The following DISC1 variants were observed in gnomAD, a reference collection of about 807,000 sequenced individuals.
DISC1 encodes DISC1 scaffold protein, also known as disrupted in schizophrenia 1 protein.
In DISC1, 57 loss-of-function variants were observed where a neutral mutation model predicts 84.5. The observed-to-expected ratio is 0.67, with a 90% confidence interval of 0.55 to 0.84. The LOEUF is 0.84. DISC1 is among the 40% of genes least tolerant of loss of function. The pLI is 0.00. For missense variants in DISC1, 1,000 were observed against 1,057.8 expected, an observed-to-expected ratio of 0.95 and a Z score of 0.76; for synonymous variants, 411 against 415.2, an observed-to-expected ratio of 0.99 and a Z score of 0.12.
At chr1:231,696,355 T>C (rs1472531902) in intron 2 of DISC1, among the ~76,000 whole-genome samples, 1 of 152,222 alleles carries the variant, frequency 6.6e-6, no homozygotes. Flanking sequence ...ATCTAGCAAG[T>C]ACCCAGAAAT....
intron 10 of DISC1, among the ~76,000 whole-genome samples, chr1:231,962,936 C>T (rs1474159098): frequency 6.6e-6 from 1 of 152,146 alleles, no homozygotes; most frequent in African/African-American, 2.4e-5. Flanking sequence ...TTTAGCATCT[C>T]ACAAGCCTGC....
chr1:231,830,459 T>G (rs2082140726), intron 9 of DISC1, among the ~76,000 whole-genome samples: 1 of 152,180 alleles, frequency 6.6e-6, no homozygotes, highest in African/African-American at 2.4e-5. Context: ...AGATTCAGCA[T>G]AGTCCTGCCA....
chr1:231,788,852 A>C (rs1163454264), intron 6 of DISC1, among the ~76,000 whole-genome samples: 4 of 152,034 alleles, frequency 2.6e-5, no homozygotes, highest in Non-Finnish European at 5.9e-5. Flanking sequence ...CTGTGGTTTG[A>C]GTGTGCCTCT....
chr1:231,855,394 T>C lies in DISC1; in HGVS notation c.1981+36877T>C, dbSNP rs554620074. 105 of 985,332 alleles carry C rather than the reference T, an allele frequency of 1.1e-4. 1 individual carries two copies. The South Asian group carries it at 3.2e-3, about 30-fold the overall frequency. 61.0% of individuals were successfully genotyped at this position (985,332 alleles called of 1,614,324 possible). ...ACTTTCCATAAATGAGCTCAAGTTA[T>C]TTCATCCACAGTGATAGAATGTTCC... is the stretch of plus-strand genomic sequence containing the variant. On this transcript the variant is annotated intron_variant, in intron 9 of 12. Transcript: ENST00000439617.
intron 9 of DISC1, among the ~76,000 whole-genome samples, chr1:231,909,175 C>T (rs2088963757): frequency 6.8e-6 from 1 of 147,610 alleles, no homozygotes; most frequent in Admixed American, 6.9e-5. Context: ...TTTCTCCTGC[C>T]TGATTGCCCT....
At chr1:231,869,964 G>A (rs1455089629) in intron 9 of DISC1, among the ~76,000 whole-genome samples, 4 of 152,144 alleles carry the variant, frequency 2.6e-5, no homozygotes, top group African/African-American at 9.7e-5. Flanking sequence ...ACACAAAGCT[G>A]AACTTTAAAT....
At chr1:231,898,589 T>A (rs2087885880) in intron 9 of DISC1, among the ~76,000 whole-genome samples, 1 of 151,940 alleles carries the variant, frequency 6.6e-6, no homozygotes, top group South Asian at 2.1e-4. Flanking sequence ...GGAATTGAGG[T>A]TGAAAATCAA....
intron 1 of DISC1, among the ~76,000 whole-genome samples, chr1:231,665,639 A>C (rs2061958240): frequency 6.6e-6 from 1 of 152,212 alleles, no homozygotes; most frequent in Admixed American, 6.5e-5. Flanking sequence ...AATATAATAC[A>C]TATACAGAAT....
Position 232,036,777 on chromosome 1 carries a change from AAG to A in DISC1, c.2515_2516del (p.Glu839SerfsTer43). On this transcript the variant is annotated frameshift_variant, in exon 13 of 13. Transcript: ENST00000439617. LOFTEE classifies it high-confidence loss of function. ...TCCAGCCAGCAAAGGAGGCGGGAGAAAGAGAAGCTGCAGCTTCCTGCATGACA... is the reference window on the plus strand; with the variant it reads ...TCCAGCCAGCAAAGGAGGCGGGAGAAAGAAGCTGCAGCTTCCTGCATGACA... Reference protein sequence around the residue: ...QLQPAKEAGEREAAASCMTAG... With the variant: ...QLQPAKEAGEXEAAASCMTAG... The A allele has an allele frequency of 6.2e-7, 1 of 1,605,460 alleles. No homozygotes were observed. The highest frequency in any genetic ancestry group is 8.5e-7 in the Non-Finnish European group (1 of 1,174,266).
intron 2 of DISC1, among the ~76,000 whole-genome samples, chr1:231,695,097 C>G (rs111879348): frequency 0.021 from 3,160 of 152,300 alleles, 119 homozygotes; most frequent in African/African-American, 0.073. Context: ...TTCATGCAGC[C>G]CAGCTCTGCT....
chr1:231,872,669 A>T (rs1168281440), intron 9 of DISC1, among the ~76,000 whole-genome samples: 7 of 142,604 alleles, frequency 4.9e-5, no homozygotes, highest in Non-Finnish European at 7.6e-5. Flanking sequence ...ATCTGTTCTT[A>T]AAAAAAAAAA....
chr1:231,924,624 C>A (rs1485934767), intron 9 of DISC1, among the ~76,000 whole-genome samples: 1 of 151,600 alleles, frequency 6.6e-6, no homozygotes, highest in Non-Finnish European at 1.5e-5. Context: ...GAAGTTACTG[C>A]CCATGATGTT....
At chr1:231,726,880 A>G (rs974474848) in intron 3 of DISC1, among the ~76,000 whole-genome samples, 5 of 152,186 alleles carry the variant, frequency 3.3e-5, no homozygotes, top group African/African-American at 9.6e-5. Flanking sequence ...CTCTTAGCCT[A>G]TGATGGACAA....
At chr1:232,002,833 A>T (rs1666885728) in intron 10 of DISC1, among the ~76,000 whole-genome samples, 2 of 152,184 alleles carry the variant, frequency 1.3e-5, no homozygotes, top group African/African-American at 2.4e-5. Context: ...CTGTATCTTG[A>T]ATGTGGTAAG....
At position 231,907,131 on chromosome 1, in the gene DISC1, C is replaced by CTTCCTCTTTCTT. The variant is rs1334782802; in HGVS notation, c.1982-51696_1982-51695insTCCTCTTTCTTT. ...CTCTCCTTCCTTCCTTCCTTCCTTC[C>CTTCCTCTTTCTT]TCTTTCTTTCTTTCTTTCTTTCTTT... On this transcript the variant is annotated intron_variant, in intron 9 of 12. Transcript: ENST00000439617. Among the ~76,000 whole-genome samples, 119 of 93,190 alleles carry CTTCCTCTTTCTT rather than the reference C, an allele frequency of 1.3e-3. 1 individual carries two copies. The highest frequency in any genetic ancestry group is 5.3e-3 in the African/African-American group (110 of 20,830). The allele number at this position is 93,190 out of a possible 152,430, so 61.1% of individuals were successfully genotyped here.
intron 9 of DISC1, among the ~76,000 whole-genome samples, chr1:231,916,450 C>T (rs553590794): frequency 2.6e-5 from 4 of 151,828 alleles, no homozygotes; most frequent in African/African-American, 7.2e-5. Context: ...GTCAGGAGAT[C>T]GAGACCATCC....
intron 8 of DISC1, among the ~76,000 whole-genome samples, chr1:231,815,581 T>C (rs984695302): frequency 1.3e-5 from 2 of 151,926 alleles, no homozygotes; most frequent in South Asian, 4.1e-4. Flanking sequence ...TACTAAAAAA[T>C]ACAAAAATTA....
At chr1:231,649,984 A>G (rs2060480362) in intron 1 of DISC1, among the ~76,000 whole-genome samples, 1 of 152,134 alleles carries the variant, frequency 6.6e-6, no homozygotes, top group Admixed American at 6.5e-5. Context: ...TCTCCTGAAT[A>G]CAGCACACTG....
intron 10 of DISC1, among the ~76,000 whole-genome samples, chr1:232,001,428 A>G (rs775059171): frequency 2.0e-5 from 3 of 152,152 alleles, no homozygotes; most frequent in Non-Finnish European, 4.4e-5. Context: ...AGGGAGGTTT[A>G]TTTGCATACT....
Sources: gnomAD v4.1 joint callset for allele counts (sites outside exome capture counted in the v4.1 genomes callset) on GRCh38, gnomAD v4.1.1 for gene constraint, MANE v1.5 for transcripts, NCBI Gene and HGNC (gene_info 2026-07-23, HGNC 2026-07-21) for gene names.